OTUD6B: variants seen among roughly 807,000 people sequenced by gnomAD.
OTUD6B encodes deubiquitinase OTUD6B.
A neutral mutation model predicts 36.9 loss-of-function variants in OTUD6B; 41 were observed. The ratio of observed to expected loss-of-function variants is 1.11; its 90% CI spans 0.87 to 1.44. The LOEUF (loss-of-function observed/expected upper bound fraction) is 1.44. OTUD6B is among the 40% of genes most tolerant of loss of function. The pLI is 0.00. For missense variants in OTUD6B, 356 were observed against 344.8 expected (o/e 1.03, Z -0.26); for synonymous variants, 114 against 114.2 (o/e 1.00, Z 0.01).
rs1414754210 is a variant in OTUD6B, at chr8:91,071,187, G to A, written c.132G>A (p.Arg44=). 1 of 1,613,754 alleles carries A rather than the reference G, an allele frequency of 6.2e-7. No homozygotes were observed. Among genetic ancestry groups the A allele is most frequent in the South Asian group, 1.1e-5 (1 of 91,078 alleles). The change falls in exon 2 of 7, where the codon AGG becomes AGA. Residue 44 remains arginine, a synonymous_variant. Coordinates refer to ENST00000404789, the MANE Select transcript of OTUD6B (RefSeq NM_016023.5). ...CTGTTCCCAAGAATGACAAGAAGAG[G>A]AGGAAGCAACTCACCGAAGATGTGG... ...KNAVPKNDKK[R]RKQLTEDVAK... is the part of the protein sequence containing the mutation.
rs1011112055 is a variant in OTUD6B at position 91,078,227 on chromosome 8, A to T, written c.316-129A>T. ...GAAAATTCTTGAGATGATCAATGTG[A>T]TAGTGTTTGTGCGAGAAGGGAGAAT... On this transcript the variant is annotated intron_variant, in intron 3 of 6. Coordinates refer to ENST00000404789, the MANE Select transcript of OTUD6B (RefSeq NM_016023.5). The T allele has an allele frequency of 9.0e-6, 13 of 1,438,010 alleles. No homozygotes were observed. The African/African-American group carries it at 1.9e-4, about 21-fold the overall frequency. The allele number at this position is 1,438,010 out of a possible 1,614,324, so 89.1% of individuals were successfully genotyped here. A position where few individuals can be genotyped will look rare whatever the true frequency, so the allele number is the denominator to read the frequency against.
rs1554586676 is a variant in OTUD6B, at chr8:91,081,387, C to CAAACA, written c.690+660_690+661insCAAAA. Among the ~76,000 whole-genome samples the CAAACA allele has an allele frequency of 2.2e-4, 33 of 150,706 alleles. 2 individuals carry two copies. The highest frequency in any genetic ancestry group is 1.6e-3 in the Admixed American group (24 of 15,130). ...GTTTTGTTAAAAACAAACAAACAAA[C>CAAACA]AAAAAAAACAGGTAGGTAGGCCAGA... On this transcript the variant is annotated intron_variant, in intron 5 of 6. Coordinates refer to ENST00000404789, the MANE Select transcript of OTUD6B (RefSeq NM_016023.5).
At position 91,086,813 on chromosome 8, in the gene OTUD6B, A is replaced by G. The variant is rs1023771018; in HGVS notation, c.*1945A>G. On this transcript the variant is annotated 3_prime_UTR_variant, in exon 7 of 7. Transcript: ENST00000404789. Reference sequence around the variant, plus strand: ...AGCTATAACCTAAAAAAGTGTTTAAATAAAATGACAGATGTTAATTTAAAA... The same window carrying G: ...AGCTATAACCTAAAAAAGTGTTTAAGTAAAATGACAGATGTTAATTTAAAA... 3 of 152,122 alleles carry G rather than the reference A, an allele frequency of 2.0e-5. No individual in the cohort carries two copies. Among genetic ancestry groups the G allele is most frequent in the African/African-American group, 2.4e-5 (1 of 41,466 alleles). The allele number at this position is 152,122 out of a possible 1,614,324, so 9.4% of individuals were successfully genotyped here. A position where few individuals can be genotyped will look rare whatever the true frequency, so the allele number is the denominator to read the frequency against.
intron 3 of OTUD6B, among the ~76,000 whole-genome samples, chr8:91,077,493 A>G (rs1249882014): frequency 6.6e-6 from 1 of 151,910 alleles, no homozygotes; most frequent in African/African-American, 2.4e-5. Context: ...TTTGATCATT[A>G]CTAGTCCATC....
intron 3 of OTUD6B, among the ~76,000 whole-genome samples, chr8:91,077,978 C>T (rs941232309): frequency 1.3e-5 from 2 of 151,940 alleles, no homozygotes; most frequent in South Asian, 2.1e-4. Flanking sequence ...TGATAAGAAG[C>T]CTGGATTAGC....
chr8:91,071,109 C>G, intron 1 of OTUD6B, 29 bp from the exon 2 acceptor site: 3 of 1,609,654 alleles, frequency 1.9e-6, no homozygotes, highest in Middle Eastern at 3.3e-4. Flanking sequence ...TCCTGCGTGT[C>G]TGACTTAATG....
rs1031982887 is a variant in OTUD6B, at chr8:91,082,283, T to C, written c.690+1553T>C. Among the ~76,000 whole-genome samples, 5 of 152,280 alleles carry C rather than the reference T, an allele frequency of 3.3e-5. No individual in the cohort carries two copies. The East Asian group carries it at 9.7e-4, about 29-fold the overall frequency. ...TTTTGAAGTAATTTCTTAAATTCTT[T>C]CAAAACCTCAGGAAGGAGTATGTTC... On this transcript the variant is annotated intron_variant, in intron 5 of 6. Transcript: ENST00000404789.
At chr8:91,081,233 T>C (rs1563582981) in intron 5 of OTUD6B, among the ~76,000 whole-genome samples, 2 of 151,758 alleles carry the variant, frequency 1.3e-5, no homozygotes, top group African/African-American at 4.8e-5. Context: ...TGATAGTGAC[T>C]GACTTACTTG....
Position 91,078,417 on chromosome 8 carries a change from A to G in OTUD6B, c.377A>G (p.Asn126Ser). 6.3e-7 allele frequency: 1 copy of G among 1,597,020 alleles called. No homozygotes were observed. Among genetic ancestry groups the G allele is most frequent in the Middle Eastern group, 1.7e-4 (1 of 6,036 alleles). The stretch of plus-strand genomic sequence containing the variant: ...CGGATAGCTGAAGCTGAAATTGAAA[A>G]CTTAACAGGAGCCAGACATATGGAA... ...EERIAEAEIE[N>S]LTGARHMESE... The change falls in exon 4 of 7, where the codon AAC becomes AGC. Residue 126 changes from asparagine to serine, a missense_variant. Transcript: ENST00000404789.
chr8:91,080,578 T>C (rs1812884028), intron 4 of OTUD6B, 91 bp from the exon 5 acceptor site: 1 of 1,498,014 alleles, frequency 6.7e-7, no homozygotes, highest in African/African-American at 1.4e-5. Context: ...ACTTGGGCAT[T>C]TTTGTCAGGA....
Position 91,086,801 on chromosome 8 carries a change from A to C in OTUD6B, c.*1933A>C, listed in dbSNP as rs915769889. ...AAATATCATTTTAGCTATAACCTAA[A>C]AAAGTGTTTAAATAAAATGACAGAT... On this transcript the variant is annotated 3_prime_UTR_variant, in exon 7 of 7. Transcript: ENST00000404789. The C allele has an allele frequency of 3.3e-5, 5 of 152,090 alleles. No individual in the cohort carries two copies. The highest frequency in any genetic ancestry group is 1.2e-4 in the African/African-American group (5 of 41,454). 9.4% of individuals were successfully genotyped at this position (152,090 alleles called of 1,614,324 possible).
At chr8:91,074,062 T>A (rs1339053564) in intron 3 of OTUD6B, among the ~76,000 whole-genome samples, 151 bp downstream of exon 3, 1 of 152,188 alleles carries the variant, frequency 6.6e-6, no homozygotes, top group Admixed American at 6.5e-5. Flanking sequence ...ATTAAGCACC[T>A]GCTGTGTGTC....
At chr8:91,076,667 A>G in intron 3 of OTUD6B, 1 of 1,470,394 alleles carries the variant, frequency 6.8e-7, no homozygotes, top group African/African-American at 1.4e-5. Context: ...GCCTTTGGAA[A>G]TCTTTCTGCG....
intron 5 of OTUD6B, among the ~76,000 whole-genome samples, chr8:91,081,403 G>C (rs1475918313): frequency 1.3e-5 from 2 of 151,606 alleles, no homozygotes; most frequent in Non-Finnish European, 2.9e-5. Flanking sequence ...AAACAGGTAG[G>C]TAGGCCAGAT....
At chr8:91,084,304 A>G (rs146576595) in intron 6 of OTUD6B, among the ~76,000 whole-genome samples, 190 bp downstream of exon 6, 1 of 152,200 alleles carries the variant, frequency 6.6e-6, no homozygotes, top group East Asian at 1.9e-4. Flanking sequence ...ACTAGTTTGT[A>G]TACTGTCCTG....
Position 91,083,990 on chromosome 8 carries a change from C to CT in OTUD6B, c.691-11dup. On this transcript the variant is annotated splice_polypyrimidine_tract_variant and intron_variant, in intron 5 of 6. Transcript: ENST00000404789. Reference sequence around the variant, plus strand: ...TACATTTTTATTTTCCTTACTGATACTTTTTTTCTTCCTATAGCTAAGAGC... The same window carrying CT: ...TACATTTTTATTTTCCTTACTGATACTTTTTTTTCTTCCTATAGCTAAGAGC... The CT allele has an allele frequency of 6.5e-7, 1 of 1,541,622 alleles. No homozygotes were observed. The highest frequency in any genetic ancestry group is 8.7e-7 in the Non-Finnish European group (1 of 1,145,124).
At chr8:91,070,680 C>T (rs896327469) in intron 1 of OTUD6B, among the ~76,000 whole-genome samples, 3 of 152,028 alleles carry the variant, frequency 2.0e-5, no homozygotes, top group African/African-American at 7.3e-5. Context: ...GGCGTGCCCC[C>T]TACCCCGCGC....
rs758920633 is a variant in OTUD6B at position 91,078,535 on chromosome 8, T to G, written c.495T>G (p.Asp165Glu). Residue 165 changes from aspartate (D) to glutamate (E), a missense_variant, in exon 4 of 7, where the codon GAT (aspartate) becomes GAG (glutamate). Asp to Glu is a conservative substitution (Grantham distance 45). Coordinates refer to ENST00000404789, the MANE Select transcript of OTUD6B (RefSeq NM_016023.5). ...DGHCMYKAIE[D>E]QLKEKDCALT... ...ACTGTATGTATAAAGCCATTGAAGA[T>G]CAACTGAAAGAAAAGGATTGTGCTC... 1.2e-6 allele frequency: 2 copies of G among 1,609,894 alleles called. No homozygotes were observed. Among genetic ancestry groups the G allele is most frequent in the Non-Finnish European group, 1.7e-6 (2 of 1,177,920 alleles).
intron 6 of OTUD6B, 118 bp downstream of exon 6, chr8:91,084,232 G>A (rs1812965540): frequency 1.6e-6 from 1 of 631,126 alleles, no homozygotes; most frequent in South Asian, 2.3e-5. Flanking sequence ...TAAACCTCTA[G>A]CGATTTATTT....
Sources: gnomAD v4.1 joint callset for allele counts (sites outside exome capture counted in the v4.1 genomes callset) on GRCh38, gnomAD v4.1.1 for gene constraint, MANE v1.5 for transcripts, NCBI Gene and HGNC (gene_info 2026-07-23, HGNC 2026-07-21) for gene names.